The following FZR1 variants were observed in gnomAD, a reference collection of about 807,000 sequenced individuals.
The protein encoded by FZR1 is fizzy-related protein homolog.
A neutral mutation model predicts 63.6 loss-of-function variants in FZR1; 11 were observed. The ratio of observed to expected loss-of-function variants is 0.17; its 90% CI spans 0.11 to 0.29. FZR1 has a LOEUF of 0.29. Ranked by LOEUF, FZR1 falls within the 10% of genes least tolerant of loss-of-function variation. FZR1 has a pLI of 1.00. For missense variants in FZR1, 440 were observed against 687.5 expected (o/e 0.64, Z 4.03); for synonymous variants, 328 against 297.9 (o/e 1.10, Z -1.04).
rs1318182262 is a variant in FZR1, at chr19:3,533,607, G to GT, written c.1347+210dup. 1 of 562,406 alleles carries GT rather than the reference G, an allele frequency of 1.8e-6. No homozygotes were observed. Among genetic ancestry groups the GT allele is most frequent in the Non-Finnish European group, 3.2e-6 (1 of 314,866 alleles). The allele number at this position is 562,406 out of a possible 1,614,324, so 34.8% of individuals were successfully genotyped here. A position where few individuals can be genotyped will look rare whatever the true frequency, so the allele number is the denominator to read the frequency against. ...TCTACCGAACTCCCCAGCCCTGCAG[G>GT]TGCAGGCCCTGTCCTCCTGGAGGAC... On this transcript the variant is annotated intron_variant, in intron 12 of 13. Transcript: ENST00000441788. The surrounding 1 kb of genome is among the most constrained non-coding windows in gnomAD (Gnocchi z 4.9).
At chr19:3,517,706 A>C (rs1045651298) in intron 1 of FZR1, among the ~76,000 whole-genome samples, 3 of 151,976 alleles carry the variant, frequency 2.0e-5, no homozygotes, top group Admixed American at 2.0e-4. Context: ...TAAATGAATA[A>C]AAATTTTAAA....
Position 3,514,284 on chromosome 19 carries a change from A to T in FZR1, c.-35+7810A>T, listed in dbSNP as rs1599773369. ...TGGTGCAGTGGGGATGGGGCTGGGG[A>T]TGCCTGGCCACACTCTGCAGGTCTC... On this transcript the variant is annotated intron_variant, in intron 1 of 13. Transcript: ENST00000441788. The surrounding 1 kb of genome is among the most constrained non-coding windows in gnomAD (Gnocchi z 4.2). 6.6e-6 allele frequency among the ~76,000 whole-genome samples: 1 copy of T among 152,012 alleles called. No homozygotes were observed. The highest frequency in any genetic ancestry group is 6.6e-5 in the Admixed American group (1 of 15,266).
chr19:3,533,683 A>G lies in FZR1; in HGVS notation c.1347+285A>G. 1 of 407,028 alleles carries G rather than the reference A, an allele frequency of 2.5e-6. No homozygotes were observed. Among genetic ancestry groups the G allele is most frequent in the Non-Finnish European group, 4.5e-6 (1 of 222,046 alleles). 25.2% of individuals were successfully genotyped at this position (407,028 alleles called of 1,614,324 possible). A position where few individuals can be genotyped will look rare whatever the true frequency, so the allele number is the denominator to read the frequency against. ...CCCCATAAAGAGGGGTGAAGAGGAA[A>G]GCCAAAACCAACTCACAGCTGACCA... On this transcript the variant is annotated intron_variant, in intron 12 of 13. Transcript: ENST00000441788. The surrounding 1 kb of genome is among the most constrained non-coding windows in gnomAD (Gnocchi z 4.9).
chr19:3,531,771 G>T lies in FZR1; in HGVS notation c.778G>T (p.Ala260Ser). 2 of 1,549,978 alleles carry T rather than the reference G, an allele frequency of 1.3e-6. No homozygotes were observed. Among genetic ancestry groups the T allele is most frequent in the South Asian group, 1.2e-5 (1 of 83,970 alleles). ...KGFVQIWDAA[A>S]GKKLSMLEGH... Reference sequence around the variant, plus strand: ...CTTCGTGCAGATCTGGGACGCAGCCGCAGGGAAGAAGCTGTCCATGTTGGA... The same window carrying T: ...CTTCGTGCAGATCTGGGACGCAGCCTCAGGGAAGAAGCTGTCCATGTTGGA... The change falls in exon 9 of 14, where the codon GCA becomes TCA. Residue 260 changes from alanine to serine, a missense_variant. Physicochemically the swap from Ala to Ser is moderately conservative, Grantham distance 99. This residue lies in a region of FZR1 where 208 missense variants were observed against 363.6 expected (regional missense o/e 0.57). Coordinates refer to ENST00000441788, the MANE Select transcript of FZR1 (RefSeq NM_016263.4).
chr19:3,534,819 T>C lies in FZR1; in HGVS notation c.1465T>C (p.Phe489Leu), dbSNP rs1487338135. The C allele has an allele frequency of 6.2e-7, 1 of 1,612,940 alleles. No homozygotes were observed. The change falls in exon 14 of 14, where the codon TTC becomes CTC. Residue 489 changes from phenylalanine (F) to leucine (L), a missense_variant. Phe to Leu is a conservative substitution (Grantham distance 22, BLOSUM62 0). This residue lies in a region of FZR1 where 28 missense variants were observed against 26.3 expected (regional missense o/e 1.06). Coordinates refer to ENST00000441788, the MANE Select transcript of FZR1 (RefSeq NM_016263.4). ...TKESVSVLNLFTRIR is the reference protein window; with the variant it reads ...TKESVSVLNLLTRIR The stretch of plus-strand genomic sequence containing the variant: ...GGAGTCTGTGTCTGTGCTCAACCTC[T>C]TCACCAGGATCCGGTAAACCTGCCG...
At chr19:3,528,001 T>TGGCCCTCCCAGTCAGGGCCTCCCAGCCAC (rs1319482597) in intron 7 of FZR1, among the ~76,000 whole-genome samples, 187 bp downstream of exon 7, 1 of 139,880 alleles carries the variant, frequency 7.1e-6, no homozygotes, top group African/African-American at 2.6e-5. Flanking sequence ...CTCCCAGCCA[T>TGGCCCTCCCAGTCAGGGCCTCCCAGCCAC]GGCCCTCCCA....
intron 1 of FZR1, among the ~76,000 whole-genome samples, chr19:3,508,595 T>C (rs1028310138): frequency 6.6e-6 from 1 of 152,206 alleles, no homozygotes; most frequent in Non-Finnish European, 1.5e-5. Flanking sequence ...AGAATGGAAT[T>C]GGTTCTGAGG....
intron 8 of FZR1, among the ~76,000 whole-genome samples, chr19:3,531,177 G>A (rs2083243133): frequency 6.6e-6 from 1 of 152,172 alleles, no homozygotes; most frequent in African/African-American, 2.4e-5. Flanking sequence ...GTGGGCTTTA[G>A]TTCCATTTTA....
intron 7 of FZR1, 126 bp from the exon 8 acceptor site, chr19:3,530,666 G>GTGGATGAGAT: frequency 1.4e-6 from 1 of 690,162 alleles, no homozygotes; most frequent in South Asian, 1.7e-5. Context: ...GGATGGGAGA[G>GTGGATGAGAT]TGGATGAGAT....
At chr19:3,532,396 C>A in intron 10 of FZR1, 21 bp from the exon 11 acceptor site, 1 of 1,569,150 alleles carries the variant, frequency 6.4e-7, no homozygotes, top group South Asian at 1.1e-5. Flanking sequence ...CAGCCCCGGC[C>A]TCACAGCCCC....
chr19:3,507,661 C>T (rs1428241293), intron 1 of FZR1, among the ~76,000 whole-genome samples: 1 of 152,214 alleles, frequency 6.6e-6, no homozygotes, highest in African/African-American at 2.4e-5. Flanking sequence ...ACACACACCA[C>T]CAGCATGAGG....
At chr19:3,532,377 G>A in intron 10 of FZR1, 40 bp from the exon 11 acceptor site, 1 of 1,508,096 alleles carries the variant, frequency 6.6e-7, no homozygotes, top group Non-Finnish European at 9.0e-7. Flanking sequence ...TGGGACCACA[G>A]GGCTGGGACA....
intron 1 of FZR1, among the ~76,000 whole-genome samples, chr19:3,509,799 G>A (rs1457836101): frequency 2.0e-5 from 3 of 152,206 alleles, no homozygotes; most frequent in Non-Finnish European, 4.4e-5. Context: ...CTTTGTCGTG[G>A]CTGAGTCATG....
At chr19:3,530,695 AGAGTGGATGG>A (rs1245508362) in intron 7 of FZR1, 87 bp from the exon 8 acceptor site, 28 of 847,060 alleles carry the variant, frequency 3.3e-5, no homozygotes, top group Non-Finnish European at 5.4e-5. Context: ...AGAGTGGATG[AGAGTGGATGG>A]GTGAGACAGT....
chr19:3,529,651 AGAGCGGATGGGT>A (rs1373812148), intron 7 of FZR1, among the ~76,000 whole-genome samples: 10 of 142,010 alleles, frequency 7.0e-5, no homozygotes, highest in Non-Finnish European at 1.5e-4. Context: ...AGCAGATGGG[AGAGCGGATGGGT>A]GAGTGGATGA....
rs982789220 is a variant in FZR1 at position 3,507,858 on chromosome 19, G to A, written c.-35+1384G>A. ...CCGTGTGTTTTGGCGACACCCGATT[G>A]TCATTTCCTTCGGAATCCCAAGTGG... is the stretch of plus-strand genomic sequence containing the variant. On this transcript the variant is annotated intron_variant, in intron 1 of 13. Coordinates refer to ENST00000441788, the MANE Select transcript of FZR1 (RefSeq NM_016263.4). Among the ~76,000 whole-genome samples the A allele has an allele frequency of 2.6e-5, 4 of 152,264 alleles. No individual in the cohort carries two copies. The East Asian group carries it at 7.7e-4, about 29-fold the overall frequency.
In FZR1 at chr19:3,535,385, C is replaced by T. The variant is rs34325864; in HGVS notation, c.*549C>T. On this transcript the variant is annotated 3_prime_UTR_variant, in exon 14 of 14. Coordinates refer to ENST00000441788, the MANE Select transcript of FZR1 (RefSeq NM_016263.4). ...GGCTCGGGGCCACTGGCGGAGCCAG[C>T]CTGTGGATCCAAGAGACAGTCCCCA... 38,613 of 154,234 alleles carry T rather than the reference C, an allele frequency of 0.25. 6,914 individuals carry two copies. Among genetic ancestry groups the T allele is most frequent in the East Asian group, 0.82 (4,242 of 5,180 alleles). The allele number at this position is 154,234 out of a possible 1,614,324, so 9.6% of individuals were successfully genotyped here. A position where few individuals can be genotyped will look rare whatever the true frequency, so the allele number is the denominator to read the frequency against.
At chr19:3,521,315 C>G (rs983828497) in intron 1 of FZR1, 2 of 152,192 alleles carry the variant, frequency 1.3e-5, no homozygotes, top group African/African-American at 4.8e-5. Context: ...GCTTTCATCA[C>G]TGACAGACTC....
At chr19:3,532,324 T>C (rs2083256515) in intron 10 of FZR1, 93 bp from the exon 11 acceptor site, 8 of 984,486 alleles carry the variant, frequency 8.1e-6, no homozygotes, top group Non-Finnish European at 1.2e-5. Flanking sequence ...GAGTGTGGGG[T>C]GGGGTGCCAG....
Sources: gnomAD v4.1 joint callset for allele counts (sites outside exome capture counted in the v4.1 genomes callset) on GRCh38, gnomAD v4.1.1 for gene constraint, gnomAD v4.1.1 regional missense constraint, Gnocchi (gnomAD v3.1) non-coding constraint, MANE v1.5 for transcripts, NCBI Gene and HGNC (gene_info 2026-07-23, HGNC 2026-07-21) for gene names.